ZNF860: variants seen among roughly 807,000 people sequenced by gnomAD.
ZNF860 encodes the protein zinc finger protein 860.
For missense variants in ZNF860, 641 were observed against 759.2 expected (o/e 0.84, Z 1.83); for synonymous variants, 206 against 248.9 (o/e 0.83, Z 1.62).
chr3:31,995,914 T>C (rs1699086712), downstream of ZNF860, among the ~76,000 whole-genome samples: 1 of 151,972 alleles, frequency 6.6e-6, no homozygotes, highest in African/African-American at 2.4e-5. Flanking sequence ...ATCCATGACA[T>C]CTCCCCTTCC....
intron 1 of ZNF860, among the ~76,000 whole-genome samples, chr3:31,982,458 A>G (rs562278236): frequency 3.9e-5 from 6 of 152,224 alleles, no homozygotes; most frequent in African/African-American, 1.4e-4. Flanking sequence ...CAAGAGTTAA[A>G]AAAAATTACT....
At position 31,981,766 on chromosome 3, in the gene ZNF860, G is replaced by C. The variant is rs1264598739; in HGVS notation, c.-557G>C. On this transcript the variant is annotated 5_prime_UTR_variant, in exon 1 of 2. Transcript: ENST00000360311. This position sits in a 1 kb window ranked among gnomAD's most constrained non-coding sequence, Gnocchi z 4.5. ...GGCTCACACGCACACTCCCTCTCTCGGTCTTCCGCACACGATGCTGCGCCA... is the reference window on the plus strand; with the variant it reads ...GGCTCACACGCACACTCCCTCTCTCCGTCTTCCGCACACGATGCTGCGCCA... The C allele has an allele frequency of 6.6e-6, 1 of 152,102 alleles. No individual in the cohort carries two copies. Among genetic ancestry groups the C allele is most frequent in the Admixed American group, 6.5e-5 (1 of 15,274 alleles). 9.4% of individuals were successfully genotyped at this position (152,102 alleles called of 1,614,324 possible).
the ZNF860 span, among the ~76,000 whole-genome samples, chr3:32,003,058 AAGG>A: frequency 2.0e-5 from 3 of 152,312 alleles, no homozygotes; most frequent in South Asian, 6.2e-4. Flanking sequence ...CGAAAGTGGG[AAGG>A]AGGAGTGTTA....
downstream of ZNF860, among the ~76,000 whole-genome samples, chr3:31,994,775 G>C (rs551624991): frequency 1.3e-5 from 2 of 152,124 alleles, no homozygotes; most frequent in African/African-American, 4.8e-5. Context: ...TAAGATTGAG[G>C]CTCCTGAAAG....
the ZNF860 span, among the ~76,000 whole-genome samples, chr3:31,999,902 C>T: frequency 4.6e-5 from 7 of 152,250 alleles, no homozygotes; most frequent in Admixed American, 6.5e-5. Flanking sequence ...AAAGGTCATT[C>T]GATTCCCTTG....
At chr3:32,006,198 G>A in the ZNF860 span, among the ~76,000 whole-genome samples, 3 of 152,020 alleles carry the variant, frequency 2.0e-5, no homozygotes, top group Non-Finnish European at 2.9e-5. Context: ...CCTCTGCCTC[G>A]GCCTCTCAAA....
the ZNF860 span, among the ~76,000 whole-genome samples, chr3:31,999,359 C>CT: frequency 0.38 from 47,856 of 125,494 alleles, 10,080 homozygotes; most frequent in African/African-American, 0.51. Flanking sequence ...ATATCAAAAT[C>CT]TTTTTTTTTT....
At chr3:31,984,063 A>G (rs1264403651) in intron 1 of ZNF860, among the ~76,000 whole-genome samples, 1 of 151,912 alleles carries the variant, frequency 6.6e-6, no homozygotes, top group African/African-American at 2.4e-5. Flanking sequence ...TTGAGACTGG[A>G]GTCTCGCTCT....
At chr3:31,985,008 G>C (rs1698914439) in intron 1 of ZNF860, among the ~76,000 whole-genome samples, 1 of 152,238 alleles carries the variant, frequency 6.6e-6, no homozygotes. Flanking sequence ...GGAGGCCAAG[G>C]TGGGCGGGTC....
In ZNF860 at chr3:31,991,461, T is replaced by TC. The variant is rs1442497926; in HGVS notation, c.*484dup. 2 of 164,496 alleles carry TC rather than the reference T, an allele frequency of 1.2e-5. No individual in the cohort carries two copies. Among genetic ancestry groups the TC allele is most frequent in the African/African-American group, 4.8e-5 (2 of 41,250 alleles). The allele number at this position is 164,496 out of a possible 1,614,324, so 10.2% of individuals were successfully genotyped here. A position where few individuals can be genotyped will look rare whatever the true frequency, so the allele number is the denominator to read the frequency against. On this transcript the variant is annotated 3_prime_UTR_variant, in exon 2 of 2. Coordinates refer to ENST00000360311, the MANE Select transcript of ZNF860 (RefSeq NM_001137674.3). ...GTTTGTAGATTTCAAGGTACAAACT[T>TC]CTCACCTTTTTACGTTTATTCCTAA...
chr3:32,000,812 G>A, the ZNF860 span, among the ~76,000 whole-genome samples: 3 of 152,224 alleles, frequency 2.0e-5, no homozygotes, highest in Non-Finnish European at 2.9e-5. Context: ...CTTTGACTCC[G>A]GCCATGCGGT....
At chr3:31,992,355 A>G (rs1214018166), downstream of ZNF860, among the ~76,000 whole-genome samples, 1 of 152,202 alleles carries the variant, frequency 6.6e-6, no homozygotes, top group Non-Finnish European at 1.5e-5. Flanking sequence ...TGGTTATTAT[A>G]AAACAATACA....
downstream of ZNF860, among the ~76,000 whole-genome samples, chr3:31,992,704 C>T (rs1179794476): frequency 2.0e-5 from 3 of 152,142 alleles, no homozygotes; most frequent in Non-Finnish European, 1.5e-5. Flanking sequence ...AAAAAACAAA[C>T]AAACCTTGGC....
chr3:32,005,657 G>A, the ZNF860 span, among the ~76,000 whole-genome samples: 1,328 of 152,132 alleles, frequency 8.7e-3, 18 homozygotes, highest in African/African-American at 0.03. Context: ...TCGCTGTCTC[G>A]GCTCACTGCA....
At chr3:31,994,727 C>T (rs553730995), downstream of ZNF860, among the ~76,000 whole-genome samples, 1 of 152,298 alleles carries the variant, frequency 6.6e-6, no homozygotes, top group South Asian at 2.1e-4. Context: ...AGATATGTTA[C>T]TGCCAAAGGA....
At chr3:31,999,202 T>C in the ZNF860 span, among the ~76,000 whole-genome samples, 1 of 152,184 alleles carries the variant, frequency 6.6e-6, no homozygotes, top group Non-Finnish European at 1.5e-5. Flanking sequence ...AGGTGTGGCA[T>C]GTAGCAAAGG....
intron 1 of ZNF860, chr3:31,986,455 T>C (rs1404990309): frequency 6.6e-6 from 1 of 152,258 alleles, no homozygotes; most frequent in African/African-American, 2.4e-5. Context: ...CCATTAAGAT[T>C]ACCCTGAGAG....
At chr3:31,999,766 A>C in the ZNF860 span, among the ~76,000 whole-genome samples, 122 of 152,254 alleles carry the variant, frequency 8.0e-4, no homozygotes, top group African/African-American at 2.8e-3. Flanking sequence ...ACCTTTTCCA[A>C]GGCATGCCCA....
At chr3:32,005,091 G>C in the ZNF860 span, among the ~76,000 whole-genome samples, 2 of 151,964 alleles carry the variant, frequency 1.3e-5, no homozygotes, top group Non-Finnish European at 2.9e-5. Context: ...TTAAGTTCTG[G>C]TGTACATGTG....
Sources: allele counts gnomAD v4.1 joint callset (sites outside exome capture counted in the v4.1 genomes callset), GRCh38; gene constraint gnomAD v4.1.1; non-coding constraint Gnocchi (gnomAD v3.1); transcripts MANE v1.5; gene names NCBI Gene and HGNC (gene_info 2026-07-23, HGNC 2026-07-21).